The following CCDC171 variants were observed in gnomAD, a reference collection of about 807,000 sequenced individuals.
CCDC171 encodes coiled-coil domain containing 171.
CCDC171 carries 177 observed loss-of-function variants against 168.2 expected under a neutral mutation model. The observed-to-expected ratio is 1.05, with a 90% CI of 0.93 to 1.19. CCDC171 has a LOEUF of 1.19. Ranked by LOEUF, CCDC171 falls within the 50% of genes most tolerant of loss-of-function variation. CCDC171 has a pLI of 0.00. For missense variants in CCDC171, 1,991 were observed against 1,539.0 expected (o/e 1.29, Z -4.91); for synonymous variants, 687 against 540.8 (o/e 1.27, Z -3.75).
chr9:15,951,060 A>G (rs1829097749), intron 25 of CCDC171, among the ~76,000 whole-genome samples: 1 of 148,440 alleles, frequency 6.7e-6, no homozygotes, highest in South Asian at 2.3e-4. Context: ...GATCAATTCA[A>G]CAAGAAGAGC....
intron 18 of CCDC171, among the ~76,000 whole-genome samples, chr9:15,753,279 G>A (rs1464375241): frequency 2.0e-5 from 3 of 152,156 alleles, no homozygotes; most frequent in Non-Finnish European, 4.4e-5. Flanking sequence ...TGGCAAGTTA[G>A]AGAGGAGAGA....
At chr9:16,095,899 T>TACAC in the CCDC171 span, among the ~76,000 whole-genome samples, 22 of 140,226 alleles carry the variant, frequency 1.6e-4, 1 homozygote, top group African/African-American at 5.4e-4. Flanking sequence ...TATATATATA[T>TACAC]ACTGCCTCCA....
intron 25 of CCDC171, among the ~76,000 whole-genome samples, chr9:15,955,366 T>C (rs1829688348): frequency 1.3e-5 from 2 of 152,116 alleles, no homozygotes; most frequent in African/African-American, 2.4e-5. Flanking sequence ...GGAGTTGCAA[T>C]GTGGGGAGGT....
chr9:15,687,770 A>G (rs2050503680), intron 10 of CCDC171, among the ~76,000 whole-genome samples: 1 of 152,212 alleles, frequency 6.6e-6, no homozygotes, highest in Non-Finnish European at 1.5e-5. Flanking sequence ...AACAAATTAG[A>G]TAATTTAAAA....
chr9:15,594,949 T>C (rs1222268210), intron 6 of CCDC171, among the ~76,000 whole-genome samples: 1 of 152,130 alleles, frequency 6.6e-6, no homozygotes. Context: ...AGTTATTTTG[T>C]GATAACACAA....
At chr9:15,926,163 G>T (rs1825867667) in intron 25 of CCDC171, among the ~76,000 whole-genome samples, 1 of 151,698 alleles carries the variant, frequency 6.6e-6, no homozygotes, top group East Asian at 1.9e-4. Context: ...AGTCTCTGAA[G>T]AATGTATAGC....
intron 13 of CCDC171, 84 bp downstream of exon 13, chr9:15,723,830 G>A (rs1236169673): frequency 5.0e-6 from 3 of 595,362 alleles, no homozygotes; most frequent in Non-Finnish European, 8.4e-6. Flanking sequence ...AGATATTGAG[G>A]TACCTGAAAA....
At chr9:15,592,360 CAAAACAAAGAAAAA>C (rs1381573806) in intron 5 of CCDC171, among the ~76,000 whole-genome samples, 3 of 150,744 alleles carry the variant, frequency 2.0e-5, no homozygotes, top group African/African-American at 7.3e-5. Flanking sequence ...AGCAAAAAAA[CAAAACAAAGAAAAA>C]AAAACGGTGA....
chr9:15,853,462 T>A (rs1028703927), intron 23 of CCDC171, among the ~76,000 whole-genome samples: 2 of 151,730 alleles, frequency 1.3e-5, no homozygotes, highest in African/African-American at 2.4e-5. Flanking sequence ...CTGTAACTGC[T>A]GAATTTATTA....
intron 3 of CCDC171, among the ~76,000 whole-genome samples, chr9:15,991,025 A>T (rs1832176882): frequency 6.6e-6 from 1 of 152,184 alleles, no homozygotes. Flanking sequence ...AACGAGACAG[A>T]AAGTTAACAA....
At position 15,820,849 on chromosome 9, in the gene CCDC171, A is replaced by T. The variant is rs1474860150; in HGVS notation, c.3268-25853A>T. On this transcript the variant is annotated intron_variant, in intron 21 of 25. Coordinates refer to ENST00000380701, the MANE Select transcript of CCDC171 (RefSeq NM_173550.4). ...TAACTCATTTTATGAGGCCAGCATC[A>T]TCCTGATACCAAAGCGTGGCAGAGA... 1.7e-5 allele frequency among the ~76,000 whole-genome samples: 2 copies of T among 117,176 alleles called. 1 individual carries two copies. The highest frequency in any genetic ancestry group is 3.8e-5 in the Non-Finnish European group (2 of 52,212). The allele number at this position is 117,176 out of a possible 152,430, so 76.9% of individuals were successfully genotyped here.
chr9:15,649,153 T>C (rs375939346), intron 7 of CCDC171, among the ~76,000 whole-genome samples: 10 of 152,138 alleles, frequency 6.6e-5, no homozygotes, highest in African/African-American at 2.4e-4. Flanking sequence ...GGGGAATGGA[T>C]TCCCTATTTA....
intron 10 of CCDC171, among the ~76,000 whole-genome samples, chr9:15,691,469 T>C (rs2050771697): frequency 6.8e-6 from 1 of 147,184 alleles, no homozygotes; most frequent in African/African-American, 2.5e-5. Flanking sequence ...TTTTTTACTC[T>C]GAGCATAATA....
chr9:15,575,923 C>A (rs1178364415), intron 3 of CCDC171, among the ~76,000 whole-genome samples: 3 of 152,076 alleles, frequency 2.0e-5, no homozygotes, highest in Non-Finnish European at 4.4e-5. Context: ...GAAACCCTGT[C>A]TCTACTAAAA....
rs1201207571 is a variant in CCDC171 at position 15,745,721 on chromosome 9, A to G, written c.2671+90A>G. 10 of 675,788 alleles carry G rather than the reference A, an allele frequency of 1.5e-5. No homozygotes were observed. The African/African-American group carries it at 1.5e-4, about 10-fold the overall frequency. 41.9% of individuals were successfully genotyped at this position (675,788 alleles called of 1,614,324 possible). A position where few individuals can be genotyped will look rare whatever the true frequency, so the allele number is the denominator to read the frequency against. On this transcript the variant is annotated intron_variant, in intron 18 of 25. Coordinates refer to ENST00000380701, the MANE Select transcript of CCDC171 (RefSeq NM_173550.4). ...TGTCACAAATTCTAATAAAACATAT[A>G]GGGGGAAATATATTTGTTTTTATCT...
At chr9:15,922,795 C>T (rs1825495898) in intron 25 of CCDC171, among the ~76,000 whole-genome samples, 1 of 151,376 alleles carries the variant, frequency 6.6e-6, no homozygotes, top group African/African-American at 2.4e-5. Flanking sequence ...TTGTGGTTTT[C>T]ATTTGCATTT....
At chr9:16,013,500 T>C (rs766957323) in intron 3 of CCDC171, among the ~76,000 whole-genome samples, 2 of 152,238 alleles carry the variant, frequency 1.3e-5, no homozygotes, top group African/African-American at 2.4e-5. Flanking sequence ...CACCTTCCTA[T>C]GGGAGGCAGG....
intron 7 of CCDC171, among the ~76,000 whole-genome samples, chr9:15,632,819 C>A (rs892976745): frequency 1.3e-5 from 2 of 152,156 alleles, no homozygotes; most frequent in Non-Finnish European, 2.9e-5. Context: ...GGTACCAAAA[C>A]AGAGATATAG....
chr9:15,594,256 G>T lies in CCDC171; in HGVS notation c.675+84G>T, dbSNP rs188467004. ...ATTACATTAGTGGGATAACTGACTC[G>T]CTCAAAGGGAAAATAATTTCTAGTT... is the stretch of plus-strand genomic sequence containing the variant. On this transcript the variant is annotated intron_variant, in intron 6 of 25. Transcript: ENST00000380701. 359 of 750,818 alleles carry T rather than the reference G, an allele frequency of 4.8e-4. 4 individuals are homozygous for T. In the South Asian group the frequency reaches 6.7e-3, roughly 14 times the overall value. 46.5% of individuals were successfully genotyped at this position (750,818 alleles called of 1,614,324 possible).
Sources: allele counts gnomAD v4.1 joint callset (sites outside exome capture counted in the v4.1 genomes callset), GRCh38; gene constraint gnomAD v4.1.1; transcripts MANE v1.5; gene names NCBI Gene and HGNC (gene_info 2026-07-23, HGNC 2026-07-21).